The following ZNF385B variants were observed in gnomAD, a reference collection of about 807,000 sequenced individuals.
ZNF385B encodes the protein zinc finger protein 533.
In ZNF385B, 23 loss-of-function variants were observed where a neutral mutation model predicts 39.2. The observed-to-expected ratio is 0.59, with a 90% CI of 0.42 to 0.83. The LOEUF (loss-of-function observed/expected upper bound fraction) is 0.83. Among genes scored for constraint, ZNF385B ranks in the 40% least tolerant of loss-of-function variants. ZNF385B has a pLI of 0.00. For synonymous variants in ZNF385B, 205 were observed against 222.6 expected (o/e 0.92, Z 0.70); for missense variants, 552 against 598.9 (o/e 0.92, Z 0.82).
chr2:179,486,490 C>T (rs1400811608), intron 5 of ZNF385B, among the ~76,000 whole-genome samples: 1 of 152,136 alleles, frequency 6.6e-6, no homozygotes, highest in African/African-American at 2.4e-5. Flanking sequence ...ACAAAGATAG[C>T]ATGCTGCTTT....
At chr2:179,724,470 C>T (rs1443013297) in intron 3 of ZNF385B, among the ~76,000 whole-genome samples, 2 of 152,102 alleles carry the variant, frequency 1.3e-5, no homozygotes, top group East Asian at 1.9e-4. Flanking sequence ...TATGTAAATT[C>T]TTCCAAAGAC....
At chr2:179,795,968 C>T (rs1232190184) in intron 1 of ZNF385B, among the ~76,000 whole-genome samples, 4 of 152,098 alleles carry the variant, frequency 2.6e-5, no homozygotes, top group Non-Finnish European at 5.9e-5. Context: ...TAGACTATGC[C>T]AATTTATTTC....
At chr2:179,737,771 T>C (rs1256847929) in intron 3 of ZNF385B, among the ~76,000 whole-genome samples, 1 of 152,010 alleles carries the variant, frequency 6.6e-6, no homozygotes, top group African/African-American at 2.4e-5. Context: ...TAAAATTGAG[T>C]CTATTATTAT....
intron 3 of ZNF385B, among the ~76,000 whole-genome samples, chr2:179,696,326 C>CTATTTTTTTTTTTTTTTT (rs1698742555): frequency 5.0e-5 from 2 of 40,354 alleles, no homozygotes; most frequent in Non-Finnish European, 4.1e-5. Flanking sequence ...CAAACTGGGA[C>CTATTTTTTTTTTTTTTTT]TTTTTTTTTT....
At chr2:179,774,493 T>C (rs1704197665) in intron 1 of ZNF385B, among the ~76,000 whole-genome samples, 1 of 152,088 alleles carries the variant, frequency 6.6e-6, no homozygotes. Flanking sequence ...CCTGAGTAAC[T>C]GGGACTACAG....
intron 6 of ZNF385B, among the ~76,000 whole-genome samples, chr2:179,461,094 G>A (rs1302622547): frequency 6.6e-6 from 1 of 152,026 alleles, no homozygotes; most frequent in African/African-American, 2.4e-5. Context: ...CCTTGAAGCG[G>A]GAACAAACAA....
At chr2:179,612,398 G>A (rs537186748) in intron 3 of ZNF385B, among the ~76,000 whole-genome samples, 15 of 152,100 alleles carry the variant, frequency 9.9e-5, no homozygotes, top group African/African-American at 2.7e-4. Flanking sequence ...GAACTTGGCT[G>A]TTGTAATCTA....
intron 3 of ZNF385B, among the ~76,000 whole-genome samples, chr2:179,593,763 G>A (rs1020171549): frequency 6.6e-6 from 1 of 152,134 alleles, no homozygotes; most frequent in East Asian, 1.9e-4. Context: ...TATAACTAGG[G>A]TGACGATGTA....
At chr2:179,731,512 C>G (rs1375189685) in intron 3 of ZNF385B, among the ~76,000 whole-genome samples, 4 of 152,194 alleles carry the variant, frequency 2.6e-5, no homozygotes, top group Non-Finnish European at 4.4e-5. Flanking sequence ...GCAAATCAAC[C>G]CCTTTAACCG....
intron 4 of ZNF385B, among the ~76,000 whole-genome samples, chr2:179,537,947 C>A (rs2059690411): frequency 6.6e-6 from 1 of 151,896 alleles, no homozygotes; most frequent in East Asian, 1.9e-4. Context: ...AGGCCATCAA[C>A]CTCTCCCCTC....
At chr2:179,807,893 T>A (rs1345706535) in intron 1 of ZNF385B, among the ~76,000 whole-genome samples, 6 of 123,540 alleles carry the variant, frequency 4.9e-5, no homozygotes, top group Admixed American at 1.8e-4. Context: ...AGACTCCGTC[T>A]GAAAGAAAGA....
At chr2:179,461,072 T>A (rs751455998) in intron 6 of ZNF385B, among the ~76,000 whole-genome samples, 1 of 152,096 alleles carries the variant, frequency 6.6e-6, no homozygotes, top group Non-Finnish European at 1.5e-5. Flanking sequence ...GAAAGCATAG[T>A]AAGTCTAAAA....
chr2:179,786,478 A>AT (rs1238434799), intron 1 of ZNF385B, among the ~76,000 whole-genome samples: 2 of 152,228 alleles, frequency 1.3e-5, no homozygotes, highest in African/African-American at 4.8e-5. Flanking sequence ...AAAATACAAT[A>AT]TAGAGATAAT....
chr2:179,838,919 CA>C (rs1321613183), intron 1 of ZNF385B, among the ~76,000 whole-genome samples: 13 of 127,538 alleles, frequency 1.0e-4, no homozygotes, highest in Middle Eastern at 4.3e-3. Context: ...TACTGTAAAC[CA>C]AAAAAAAAGG....
At chr2:179,561,619 T>C (rs1260129154) in intron 3 of ZNF385B, among the ~76,000 whole-genome samples, 6 of 118,284 alleles carry the variant, frequency 5.1e-5, no homozygotes, top group African/African-American at 5.9e-5. Flanking sequence ...AATGGCAAAA[T>C]TGAAAAAAAA....
At chr2:179,666,164 A>G (rs1422715407) in intron 3 of ZNF385B, among the ~76,000 whole-genome samples, 1 of 152,230 alleles carries the variant, frequency 6.6e-6, no homozygotes, top group East Asian at 1.9e-4. Flanking sequence ...CTATTAACAT[A>G]AAATCTAAAA....
At chr2:179,454,013 A>G (rs1366315108) in intron 6 of ZNF385B, among the ~76,000 whole-genome samples, 1 of 152,242 alleles carries the variant, frequency 6.6e-6, no homozygotes, top group Non-Finnish European at 1.5e-5. Flanking sequence ...ATCAGAAAGC[A>G]TGGAACACGG....
chr2:179,470,171 T>C (rs1476976823), intron 6 of ZNF385B, among the ~76,000 whole-genome samples: 2 of 152,174 alleles, frequency 1.3e-5, no homozygotes, highest in Non-Finnish European at 2.9e-5. Flanking sequence ...GGACACTGTC[T>C]GCTCTTCCAT....
chr2:179,724,858 A>G (rs1700905990), intron 3 of ZNF385B, among the ~76,000 whole-genome samples: 1 of 152,204 alleles, frequency 6.6e-6, no homozygotes, highest in South Asian at 2.1e-4. Flanking sequence ...TGCATACAAT[A>G]GTGTCTGCAC....
Sources: gnomAD v4.1 joint callset for allele counts (sites outside exome capture counted in the v4.1 genomes callset) on GRCh38, gnomAD v4.1.1 for gene constraint, MANE v1.5 for transcripts, NCBI Gene and HGNC (gene_info 2026-07-23, HGNC 2026-07-21) for gene names.